Variants in ABCA8 observed in about 807,000 individuals in gnomAD.
ABCA8 encodes the protein ATP binding cassette subfamily A member 8, also known as ABC-type organic anion transporter ABCA8.
Under a neutral mutation model 192.3 loss-of-function variants are expected in ABCA8, and 177 were observed. That is an observed-to-expected ratio of 0.92 (90% CI 0.81 to 1.04). ABCA8 has a LOEUF of 1.04. Ranked by LOEUF, ABCA8 falls within the 50% of genes least tolerant of loss-of-function variation. ABCA8 has a pLI of 0.00. For missense variants in ABCA8, 1,915 were observed against 1,904.8 expected (o/e 1.01, Z -0.10); for synonymous variants, 642 against 690.2 (o/e 0.93, Z 1.09).
intron 24 of ABCA8, among the ~76,000 whole-genome samples, chr17:68,890,412 T>C (rs2066594943): frequency 6.6e-6 from 1 of 152,254 alleles, no homozygotes; most frequent in African/African-American, 2.4e-5. Flanking sequence ...TACAGAGGAA[T>C]GAGAGTTCTT....
Position 68,942,027 on chromosome 17 carries a change from T to C in ABCA8, c.8A>G (p.Lys3Arg). 6.2e-7 allele frequency: 1 copy of C among 1,608,154 alleles called. No individual in the cohort carries two copies. The highest frequency in any genetic ancestry group is 1.3e-5 in the African/African-American group (1 of 74,790). Residue 3 changes from lysine to arginine, a missense_variant, in exon 3 of 40, where the codon AAG becomes AGG. Physicochemically the swap from Lys to Arg is conservative, Grantham distance 26 (BLOSUM62 2). Coordinates refer to ENST00000586539, the MANE Select transcript of ABCA8 (RefSeq NM_001288985.2). MR[K>R]RKISVCQQTW... is the part of the protein sequence containing the mutation. ...TTGTTGACACACACTGATCTTTCTCTTCCTCATCTTGTCTTGTTTAATGAA... is the reference window on the plus strand; with the variant it reads ...TTGTTGACACACACTGATCTTTCTCCTCCTCATCTTGTCTTGTTTAATGAA...
At chr17:68,869,923 G>A (rs960165091) in intron 37 of ABCA8, 144 bp from the exon 38 acceptor site, 6 of 606,676 alleles carry the variant, frequency 9.9e-6, no homozygotes, top group African/African-American at 3.7e-5. Context: ...AACAAATTTC[G>A]AAGTGAACAA....
At chr17:68,877,761 C>A in intron 32 of ABCA8, 82 bp from the exon 33 acceptor site, 1 of 1,396,924 alleles carries the variant, frequency 7.2e-7, no homozygotes, top group Non-Finnish European at 9.6e-7. Flanking sequence ...TCTTCACGAA[C>A]CTAGAAAAAC....
chr17:68,933,564 C>T (rs1567875599), intron 5 of ABCA8, among the ~76,000 whole-genome samples: 1 of 152,102 alleles, frequency 6.6e-6, no homozygotes, highest in Non-Finnish European at 1.5e-5. Context: ...TTTTGTTGGT[C>T]TCTTCTCTTT....
Position 68,927,978 on chromosome 17 carries a change from A to G in ABCA8, c.1211T>C (p.Met404Thr). 1 of 1,609,282 alleles carries G rather than the reference A, an allele frequency of 6.2e-7. No individual in the cohort carries two copies. Among genetic ancestry groups the G allele is most frequent in the Non-Finnish European group, 8.5e-7 (1 of 1,178,448 alleles). Residue 404 changes from methionine (M) to threonine (T), a missense_variant, in exon 10 of 40, where the codon ATG becomes ACG. Met to Thr is a moderately conservative substitution (Grantham distance 81). Coordinates refer to ENST00000586539, the MANE Select transcript of ABCA8 (RefSeq NM_001288985.2). Reference protein sequence around the residue: ...GSNLIVATNFMLAFDTCLYLA... With the variant: ...GSNLIVATNFTLAFDTCLYLA... ...ATAGAGGCAAGTGTCAAATGCCAACATGAAATTTGTTGCTACAATGAGATT... is the reference window on the plus strand; with the variant it reads ...ATAGAGGCAAGTGTCAAATGCCAACGTGAAATTTGTTGCTACAATGAGATT...
intron 35 of ABCA8, 110 bp downstream of exon 35, chr17:68,876,350 T>C: frequency 7.8e-7 from 1 of 1,281,216 alleles, no homozygotes; most frequent in Non-Finnish European, 1.1e-6. Flanking sequence ...ATTGATAGTT[T>C]TTTTGTTCTC....
At chr17:68,943,967 T>C (rs1359992250) in intron 2 of ABCA8, among the ~76,000 whole-genome samples, 1 of 152,004 alleles carries the variant, frequency 6.6e-6, no homozygotes. Context: ...TGGAATACTA[T>C]GCAGCCATGA....
At chr17:68,924,084 G>A (rs1057226811) in intron 11 of ABCA8, among the ~76,000 whole-genome samples, 7 of 152,186 alleles carry the variant, frequency 4.6e-5, no homozygotes, top group Admixed American at 1.3e-4. Context: ...GAAAAGGCCA[G>A]GCGCGGTGGC....
intron 12 of ABCA8, 48 bp downstream of exon 12, chr17:68,922,194 C>CTTTTTTTTTTTTTT (rs201226205): frequency 1.1e-4 from 60 of 527,408 alleles, no homozygotes; most frequent in East Asian, 1.3e-4. Context: ...TTCTCTCTCT[C>CTTTTTTTTTTTTTT]TTTTTTTTTT....
rs75951807 is a variant in ABCA8 at position 68,875,343 on chromosome 17, C to G, written c.4548G>C (p.Glu1516Asp). The change falls in exon 37 of 40, where the codon GAG (glutamate) becomes GAC (aspartate). Residue 1516 changes from glutamate (E) to aspartate (D), a missense_variant. By Grantham distance (45) the Glu-to-Asp change is conservative. Transcript: ENST00000586539. ...CTTGTGCCAGGTTCTTCACCTTCAT[C>G]TCCAGCAGGTAATCTTTGCCAAATT... The part of the protein sequence containing the change: ...KSKFGKDYLL[E>D]MKVKNLAQVE... 1,001 of 1,614,092 alleles carry G rather than the reference C, an allele frequency of 6.2e-4. 5 individuals are homozygous for G. The African/African-American group carries it at 0.011, about 18-fold the overall frequency.
At chr17:68,921,309 C>A in intron 13 of ABCA8, 73 bp downstream of exon 13, 1 of 1,013,806 alleles carries the variant, frequency 9.9e-7, no homozygotes, top group South Asian at 1.5e-5. Context: ...ATGTAACTAA[C>A]CTGCACGTTG....
chr17:68,912,734 C>G (rs139213411), intron 17 of ABCA8, among the ~76,000 whole-genome samples: 2 of 152,002 alleles, frequency 1.3e-5, no homozygotes, highest in African/African-American at 4.8e-5. Flanking sequence ...CTGGAGCACC[C>G]AGATATGTAA....
At chr17:68,952,435 G>T (rs2068593609) in intron 1 of ABCA8, among the ~76,000 whole-genome samples, 1 of 152,128 alleles carries the variant, frequency 6.6e-6, no homozygotes, top group South Asian at 2.1e-4. Flanking sequence ...AGCTCGGATG[G>T]TCTCGATCTC....
At chr17:68,908,053 A>G (rs1422711896) in intron 17 of ABCA8, among the ~76,000 whole-genome samples, 174 bp from the exon 18 acceptor site, 1 of 152,222 alleles carries the variant, frequency 6.6e-6, no homozygotes, top group Non-Finnish European at 1.5e-5. Context: ...AGAGGACAAA[A>G]ACCCAGCCAA....
chr17:68,875,429 GAAA>G (rs4148027), intron 36 of ABCA8, 29 bp from the exon 37 acceptor site: 2 of 1,470,796 alleles, frequency 1.4e-6, no homozygotes, highest in Non-Finnish European at 1.8e-6. Flanking sequence ...TGAGAAAGGA[GAAA>G]AAAAAAACCA....
At chr17:68,943,553 A>G (rs764620074) in intron 2 of ABCA8, among the ~76,000 whole-genome samples, 1 of 152,242 alleles carries the variant, frequency 6.6e-6, no homozygotes, top group Non-Finnish European at 1.5e-5. Flanking sequence ...ATAATGAAAC[A>G]AAGTCAGATA....
intron 4 of ABCA8, among the ~76,000 whole-genome samples, chr17:68,939,923 C>A (rs541279174): frequency 5.3e-5 from 8 of 151,934 alleles, no homozygotes; most frequent in Non-Finnish European, 8.8e-5. Flanking sequence ...TCTTATTTTG[C>A]GTTTGCTAAT....
intron 32 of ABCA8, chr17:68,879,284 C>A (rs1435331625): frequency 6.6e-6 from 1 of 152,150 alleles, no homozygotes; most frequent in Non-Finnish European, 1.5e-5. Flanking sequence ...TTTTTAAAAA[C>A]AGTTTTATGA....
chr17:68,913,248 G>A (rs1358574689), intron 17 of ABCA8, among the ~76,000 whole-genome samples: 1 of 152,012 alleles, frequency 6.6e-6, no homozygotes, highest in Admixed American at 6.6e-5. Context: ...TACGGTGGAA[G>A]CATTACTAAA....
Sources: gnomAD v4.1 joint callset for allele counts (sites outside exome capture counted in the v4.1 genomes callset) on GRCh38, gnomAD v4.1.1 for gene constraint, MANE v1.5 for transcripts, NCBI Gene and HGNC (gene_info 2026-07-23, HGNC 2026-07-21) for gene names.